Variants in PPP6C observed in about 807,000 individuals in gnomAD.
PPP6C encodes the protein protein phosphatase 6 catalytic subunit, also known as serine/threonine-protein phosphatase 6 catalytic subunit.
A neutral mutation model predicts 39.8 loss-of-function variants in PPP6C; 11 were observed. The observed-to-expected ratio is 0.28, with a 90% confidence interval of 0.17 to 0.46. The LOEUF (loss-of-function observed/expected upper bound fraction) is 0.46. Ranked by LOEUF, PPP6C falls within the 20% of genes least tolerant of loss-of-function variation. PPP6C has a pLI of 1.00. For synonymous variants in PPP6C, 129 were observed against 130.3 expected, an observed-to-expected ratio of 0.99 and a Z score of 0.07; for missense variants, 211 against 373.9, an observed-to-expected ratio of 0.56 and a Z score of 3.59.
intron 1 of PPP6C, among the ~76,000 whole-genome samples, chr9:125,183,897 G>C (rs1829469118): frequency 6.6e-6 from 1 of 152,132 alleles, no homozygotes; most frequent in South Asian, 2.1e-4. Context: ...CTCAAAGGCA[G>C]ACACAAGTAT....
rs1378136763 is a variant in PPP6C at position 125,160,895 on chromosome 9, A to C, written c.183T>G (p.Leu61=). The part of the protein sequence containing the change: ...CGDIHGQFYD[L]CELFRTGGQV... Reference sequence around the variant, plus strand: ...GACCTCCAGTTCTGAACAGTTCACAAAGGTCATAAAACTATAAAAGAAATG... The same window carrying C: ...GACCTCCAGTTCTGAACAGTTCACACAGGTCATAAAACTATAAAAGAAATG... The change falls in exon 3 of 7, where the codon CTT becomes CTG. Residue 61 remains leucine, a synonymous_variant. Coordinates refer to ENST00000373547, the MANE Select transcript of PPP6C (RefSeq NM_002721.5). 1 of 1,578,732 alleles carries C rather than the reference A, an allele frequency of 6.3e-7. No homozygotes were observed. Among genetic ancestry groups the C allele is most frequent in the Non-Finnish European group, 8.6e-7 (1 of 1,166,318 alleles).
intron 4 of PPP6C, among the ~76,000 whole-genome samples, chr9:125,155,447 G>C (rs1836045305): frequency 6.6e-6 from 1 of 152,170 alleles, no homozygotes. Context: ...CCCTAACAAT[G>C]AGCTCAGGTT....
chr9:125,164,068 C>A (rs1828956066), intron 2 of PPP6C, among the ~76,000 whole-genome samples: 1 of 151,902 alleles, frequency 6.6e-6, no homozygotes, highest in Non-Finnish European at 1.5e-5. Context: ...GAACTCCTGA[C>A]CTCAGGTGAT....
At chr9:125,163,831 C>A (rs1289365991) in intron 2 of PPP6C, among the ~76,000 whole-genome samples, 1 of 151,630 alleles carries the variant, frequency 6.6e-6, no homozygotes, top group Non-Finnish European at 1.5e-5. Flanking sequence ...TCCCATTTCC[C>A]GAGAACTTGG....
intron 4 of PPP6C, among the ~76,000 whole-genome samples, chr9:125,154,547 C>T (rs545197716): frequency 6.6e-6 from 1 of 152,298 alleles, no homozygotes; most frequent in Non-Finnish European, 1.5e-5. Context: ...ACCTAAGAAG[C>T]AGCTGAAATT....
In PPP6C at chr9:125,168,779, C is replaced by T. The variant is rs913070660; in HGVS notation, c.171+2306G>A. ...GCTTATTTTTTATTTTTTATTTTTT[C>T]GAGACAGAGTCTCACTCTATTGCCC... On this transcript the variant is annotated intron_variant, in intron 2 of 6. Coordinates refer to ENST00000373547, the MANE Select transcript of PPP6C (RefSeq NM_002721.5). Among the ~76,000 whole-genome samples, 5 of 129,506 alleles carry T rather than the reference C, an allele frequency of 3.9e-5. No individual in the cohort carries two copies. The East Asian group carries it at 1.0e-3, about 26-fold the overall frequency. 85.0% of individuals were successfully genotyped at this position (129,506 alleles called of 152,430 possible). A position where few individuals can be genotyped will look rare whatever the true frequency, so the allele number is the denominator to read the frequency against.
intron 3 of PPP6C, among the ~76,000 whole-genome samples, chr9:125,160,454 A>C (rs1055056686): frequency 6.6e-6 from 1 of 152,198 alleles, no homozygotes; most frequent in Non-Finnish European, 1.5e-5. Context: ...AAAGTAATTG[A>C]ATCATGGGGG....
At chr9:125,165,088 C>T (rs1003462220) in intron 2 of PPP6C, among the ~76,000 whole-genome samples, 2 of 151,944 alleles carry the variant, frequency 1.3e-5, no homozygotes. Context: ...CCAGTCTGCC[C>T]AGTAGTTCTC....
rs903903668 is a variant in PPP6C at position 125,189,756 on chromosome 9, G to GGCTGTAGCAGCGGCGGCGGCA, written c.-59_-39dup. 1.9e-6 allele frequency: 3 copies of GGCTGTAGCAGCGGCGGCGGCA among 1,545,976 alleles called. No individual in the cohort carries two copies. Among genetic ancestry groups the GGCTGTAGCAGCGGCGGCGGCA allele is most frequent in the Admixed American group, 2.0e-5 (1 of 48,988 alleles). On this transcript the variant is annotated 5_prime_UTR_variant, in exon 1 of 7. Coordinates refer to ENST00000373547, the MANE Select transcript of PPP6C (RefSeq NM_002721.5). ...AAGCCGCGGCAACAGCGGCGGCGGC[G>GGCTGTAGCAGCGGCGGCGGCA]GCTGTAGCAGCGGCGGCGGCAGCGG...
At chr9:125,186,958 T>C (rs1829543964) in intron 1 of PPP6C, among the ~76,000 whole-genome samples, 1 of 143,730 alleles carries the variant, frequency 7.0e-6, no homozygotes, top group African/African-American at 2.6e-5. Context: ...TTTTTTTTTT[T>C]TTTGGTGAGA....
intron 4 of PPP6C, 88 bp from the exon 5 acceptor site, chr9:125,154,073 C>A: frequency 1.0e-6 from 1 of 1,000,214 alleles, no homozygotes; most frequent in African/African-American, 1.6e-5. Context: ...TTCAGTACAA[C>A]AGAAATTCAG....
Position 125,147,956 on chromosome 9 carries a change from G to A in PPP6C, c.*1717C>T, listed in dbSNP as rs2131290764. The stretch of plus-strand genomic sequence containing the variant: ...TCCACCTGAATTACACTGGGATCAG[G>A]GCAGTAACACGAAGCTACTGACCCA... On this transcript the variant is annotated 3_prime_UTR_variant, in exon 7 of 7. Transcript: ENST00000373547. The A allele has an allele frequency of 1.1e-5, 2 of 186,294 alleles. No homozygotes were observed. Among genetic ancestry groups the A allele is most frequent in the South Asian group, 2.9e-4 (2 of 6,998 alleles). 11.5% of individuals were successfully genotyped at this position (186,294 alleles called of 1,614,324 possible).
chr9:125,183,921 T>C (rs1829469699), intron 1 of PPP6C, among the ~76,000 whole-genome samples: 1 of 152,164 alleles, frequency 6.6e-6, no homozygotes, highest in African/African-American at 2.4e-5. Context: ...ATTCTGCCCC[T>C]GGCACCCACA....
At chr9:125,177,012 T>C (rs1829313568) in intron 1 of PPP6C, among the ~76,000 whole-genome samples, 1 of 152,190 alleles carries the variant, frequency 6.6e-6, no homozygotes, top group Non-Finnish European at 1.5e-5. Context: ...TATTGTGTTT[T>C]TTTACCCCTG....
At chr9:125,189,503 G>A (rs1328802120) in intron 1 of PPP6C, 141 bp downstream of exon 1, 9 of 1,470,712 alleles carry the variant, frequency 6.1e-6, no homozygotes, top group East Asian at 5.2e-5. Flanking sequence ...GCGTGACGCC[G>A]GGTAGGACCG....
At chr9:125,171,508 T>TATATATATATGA (rs1829163534) in intron 1 of PPP6C, among the ~76,000 whole-genome samples, 1 of 103,570 alleles carries the variant, frequency 9.7e-6, no homozygotes, top group South Asian at 3.2e-4. Flanking sequence ...TATATATATA[T>TATATATATATGA]ATATATATGA....
At chr9:125,161,539 G>A (rs779662832) in intron 2 of PPP6C, among the ~76,000 whole-genome samples, 2 of 152,122 alleles carry the variant, frequency 1.3e-5, no homozygotes, top group South Asian at 2.1e-4. Flanking sequence ...AAATTCCTGG[G>A]CTCAAGTAAC....
At position 125,180,875 on chromosome 9, in the gene PPP6C, G is replaced by A. The variant is rs553910861; in HGVS notation, c.75+8769C>T. Among the ~76,000 whole-genome samples the A allele has an allele frequency of 7.9e-5, 12 of 152,176 alleles. 1 individual carries two copies. In the South Asian group the frequency reaches 2.3e-3, roughly 29 times the overall value. ...AGTGGACTATAAACTGAAGAACATC[G>A]CTGTGAAACTCTGTCAATCTGAAAG... On this transcript the variant is annotated intron_variant, in intron 1 of 6. Coordinates refer to ENST00000373547, the MANE Select transcript of PPP6C (RefSeq NM_002721.5).
At chr9:125,180,611 G>A (rs945587184) in intron 1 of PPP6C, among the ~76,000 whole-genome samples, 4 of 152,186 alleles carry the variant, frequency 2.6e-5, no homozygotes, top group African/African-American at 9.6e-5. Flanking sequence ...AGTAGAGACA[G>A]GGTTTCGCCA....
Sources: allele counts gnomAD v4.1 joint callset (sites outside exome capture counted in the v4.1 genomes callset), GRCh38; gene constraint gnomAD v4.1.1; transcripts MANE v1.5; gene names NCBI Gene and HGNC (gene_info 2026-07-23, HGNC 2026-07-21).